The following NEXN variants were observed in gnomAD, a reference collection of about 807,000 sequenced individuals.
NEXN encodes nexilin.
Under a neutral mutation model 92.6 loss-of-function variants are expected in NEXN, and 65 were observed. That is an observed-to-expected ratio of 0.70 (90% confidence interval 0.57 to 0.86). The LOEUF is 0.86. Ranked by LOEUF, NEXN falls within the 40% of genes least tolerant of loss-of-function variation. The probability of loss-of-function intolerance (pLI) is 0.00; values close to 1 mark genes in which losing one functional copy is unlikely to be tolerated. For synonymous variants in NEXN, 254 were observed against 242.5 expected (o/e 1.05, Z -0.44); for missense variants, 778 against 771.1 (o/e 1.01, Z -0.11).
At chr1:77,939,567 T>C (rs568905767) in intron 11 of NEXN, among the ~76,000 whole-genome samples, 2 of 152,232 alleles carry the variant, frequency 1.3e-5, no homozygotes, top group Non-Finnish European at 2.9e-5. Context: ...GTTATACCTA[T>C]ACCTACAAAA....
rs1649074120 is a variant in NEXN at position 77,917,574 on chromosome 1, T to G, written c.36T>G (p.Leu12=). The change falls in exon 3 of 13, where the codon CTT becomes CTG. Residue 12 remains leucine (L), a synonymous_variant. Coordinates refer to ENST00000334785, the MANE Select transcript of NEXN (RefSeq NM_144573.4). ...NDISQKAEIL[L]SSSKPVPKTY... ...ATTTTCTTCTAATGAAGATTCTGCT[T>G]TCTTCATCTAAACCTGTCCCAAAAA... The G allele has an allele frequency of 6.2e-7, 1 of 1,611,378 alleles. No individual in the cohort carries two copies. Among genetic ancestry groups the G allele is most frequent in the African/African-American group, 1.3e-5 (1 of 75,006 alleles).
At position 77,931,114 on chromosome 1, in the gene NEXN, G is replaced by A. The variant is rs182969210; in HGVS notation, c.1053+1610G>A. ...TTAGAAGCGGTAGAAGAAGCCGGGCGCGGTGGCTCACGCCTGTAATCCCAG... is the reference window on the plus strand; with the variant it reads ...TTAGAAGCGGTAGAAGAAGCCGGGCACGGTGGCTCACGCCTGTAATCCCAG... On this transcript the variant is annotated intron_variant, in intron 9 of 12. Transcript: ENST00000334785. Among the ~76,000 whole-genome samples, 171 of 151,924 alleles carry A rather than the reference G, an allele frequency of 1.1e-3. 1 individual carries two copies. Among genetic ancestry groups the A allele is most frequent in the African/African-American group, 3.8e-3 (156 of 41,438 alleles).
At chr1:77,937,172 T>C (rs1650836007) in intron 11 of NEXN, among the ~76,000 whole-genome samples, 2 of 151,686 alleles carry the variant, frequency 1.3e-5, no homozygotes, top group African/African-American at 4.8e-5. Flanking sequence ...AGCACAGTGG[T>C]GCATGTCTGT....
intron 10 of NEXN, among the ~76,000 whole-genome samples, chr1:77,933,930 T>C (rs1044162288): frequency 4.6e-5 from 7 of 152,020 alleles, no homozygotes; most frequent in Admixed American, 6.6e-5. Context: ...CAACCTCCCA[T>C]GCTCAAGTGA....
chr1:77,930,007 G>C (rs1241599546), intron 9 of NEXN, among the ~76,000 whole-genome samples: 5 of 151,980 alleles, frequency 3.3e-5, no homozygotes. Flanking sequence ...ATCACTCCTG[G>C]AAATTGATAC....
At chr1:77,902,545 A>T (rs533003788) in intron 1 of NEXN, among the ~76,000 whole-genome samples, 1 of 152,302 alleles carries the variant, frequency 6.6e-6, no homozygotes, top group South Asian at 2.1e-4. Context: ...AACATCTATA[A>T]AGATGTGTTA....
At position 77,929,486 on chromosome 1, in the gene NEXN, T is replaced by C; in HGVS notation, c.1035T>C (p.Ala345=). ...RRIEEEKKAF[A]EARRNMVVDD... is the part of the protein sequence containing the mutation. ...TAGAGGAAGAAAAGAAGGCGTTTGC[T>C]GAAGCAAGGAGAAATATGGTAAGAC... The change falls in exon 9 of 13, where the codon GCT becomes GCC. Residue 345 remains alanine (A), a synonymous_variant. Transcript: ENST00000334785. 6.2e-7 allele frequency: 1 copy of C among 1,612,746 alleles called. No homozygotes were observed. Among genetic ancestry groups the C allele is most frequent in the Non-Finnish European group, 8.5e-7 (1 of 1,179,856 alleles).
At chr1:77,923,106 A>C (rs912727286) in intron 5 of NEXN, among the ~76,000 whole-genome samples, 2 of 118,770 alleles carry the variant, frequency 1.7e-5, no homozygotes, top group Non-Finnish European at 3.4e-5. Flanking sequence ...TGATCCTCCC[A>C]CCTCAGCCTC....
intron 1 of NEXN, among the ~76,000 whole-genome samples, chr1:77,895,669 G>C (rs1053536020): frequency 1.3e-5 from 2 of 152,074 alleles, no homozygotes; most frequent in Non-Finnish European, 2.9e-5. Context: ...TTAGAGATCA[G>C]TCTGGTCAAC....
At chr1:77,911,811 G>A (rs955593260) in intron 1 of NEXN, among the ~76,000 whole-genome samples, 2 of 150,586 alleles carry the variant, frequency 1.3e-5, no homozygotes, top group African/African-American at 4.9e-5. Context: ...GGCCAGGCAC[G>A]GTGGCTCATG....
chr1:77,942,247 CT>C, intron 12 of NEXN, 39 bp downstream of exon 12: 1 of 1,586,832 alleles, frequency 6.3e-7, no homozygotes, highest in Non-Finnish European at 8.6e-7. Flanking sequence ...CAAAGATGCC[CT>C]CTTAAAACCC....
rs767335232 is a variant in NEXN at position 77,918,257 on chromosome 1, C to G, written c.431C>G (p.Ala144Gly). The G allele has an allele frequency of 3.7e-6, 6 of 1,613,598 alleles. No homozygotes were observed. In the African/African-American group the frequency reaches 8.0e-5, roughly 22 times the overall value. The change falls in exon 5 of 13, where the codon GCA becomes GGA. Residue 144 changes from alanine to glycine, a missense_variant. By Grantham distance (60) the Ala-to-Gly change is moderately conservative (BLOSUM62 0). Coordinates refer to ENST00000334785, the MANE Select transcript of NEXN (RefSeq NM_144573.4). ...AAGAGGAAAATACAGCGTGAATTAGCAAAAAGGGCTGAACAGGTATCACTG... is the reference window on the plus strand; with the variant it reads ...AAGAGGAAAATACAGCGTGAATTAGGAAAAAGGGCTGAACAGGTATCACTG... ...LEKRKIQRELAKRAEQIEDIN... is the reference protein window; with the variant it reads ...LEKRKIQRELGKRAEQIEDIN...
At chr1:77,901,412 G>T (rs1350535327) in intron 1 of NEXN, among the ~76,000 whole-genome samples, 2 of 151,878 alleles carry the variant, frequency 1.3e-5, no homozygotes, top group Non-Finnish European at 2.9e-5. Context: ...GTACATATTA[G>T]AATATTTTGT....
Position 77,933,073 on chromosome 1 carries a change from A to C in NEXN, c.1054-209A>C. 7.5e-6 allele frequency: 3 copies of C among 400,516 alleles called. No individual in the cohort carries two copies. The South Asian group carries it at 8.5e-5, about 11-fold the overall frequency. 24.8% of individuals were successfully genotyped at this position (400,516 alleles called of 1,614,324 possible). Reference sequence around the variant, plus strand: ...CTACTTGGGAGGCTGAGGCAGGAGAATCGCTTGAATCTGGGAGGCAGAGGT... The same window carrying C: ...CTACTTGGGAGGCTGAGGCAGGAGACTCGCTTGAATCTGGGAGGCAGAGGT... On this transcript the variant is annotated intron_variant, in intron 9 of 12. Coordinates refer to ENST00000334785, the MANE Select transcript of NEXN (RefSeq NM_144573.4).
chr1:77,937,218 T>C (rs1650840079), intron 11 of NEXN, among the ~76,000 whole-genome samples: 1 of 152,044 alleles, frequency 6.6e-6, no homozygotes, highest in Non-Finnish European at 1.5e-5. Flanking sequence ...GTGGGAGGAC[T>C]GATTGAGCCT....
At chr1:77,901,542 A>C (rs1220393623) in intron 1 of NEXN, among the ~76,000 whole-genome samples, 2 of 152,080 alleles carry the variant, frequency 1.3e-5, no homozygotes, top group Non-Finnish European at 2.9e-5. Flanking sequence ...TTTCTCTCTC[A>C]TCTTATTCTT....
At position 77,917,945 on chromosome 1, in the gene NEXN, T is replaced by C; in HGVS notation, c.220-15T>C. 1.2e-6 allele frequency: 2 copies of C among 1,602,032 alleles called. No homozygotes were observed. Among genetic ancestry groups the C allele is most frequent in the Non-Finnish European group, 1.7e-6 (2 of 1,170,122 alleles). ...TTTTGGACATGTGCTCACATTAATT[T>C]ATTTAACCATCTAGATTAAAGAAAT... On this transcript the variant is annotated splice_polypyrimidine_tract_variant and intron_variant, in intron 3 of 12. Transcript: ENST00000334785.
At chr1:77,940,094 G>A (rs889499531) in intron 11 of NEXN, among the ~76,000 whole-genome samples, 1 of 152,104 alleles carries the variant, frequency 6.6e-6, no homozygotes, top group Non-Finnish European at 1.5e-5. Context: ...TCTTCAAAAT[G>A]TTTATATTCT....
chr1:77,917,333 C>T (rs1649055389), intron 2 of NEXN, among the ~76,000 whole-genome samples: 1 of 152,094 alleles, frequency 6.6e-6, no homozygotes, highest in Non-Finnish European at 1.5e-5. Flanking sequence ...AATGAGATTT[C>T]ATTACTATAT....
Sources: allele counts gnomAD v4.1 joint callset (sites outside exome capture counted in the v4.1 genomes callset), GRCh38; gene constraint gnomAD v4.1.1; transcripts MANE v1.5; gene names NCBI Gene and HGNC (gene_info 2026-07-23, HGNC 2026-07-21).